PCDHGA7: variants seen among roughly 807,000 people sequenced by gnomAD.
PCDHGA7 encodes the protein protocadherin gamma-A7.
In PCDHGA7, 44 loss-of-function variants were observed where a neutral mutation model predicts 58.3. The ratio of observed to expected loss-of-function variants is 0.75; its 90% CI spans 0.59 to 0.97. The LOEUF (loss-of-function observed/expected upper bound fraction) is 0.97. Among genes scored for constraint, PCDHGA7 ranks in the 50% least tolerant of loss-of-function variants. The pLI is 0.00. For missense variants in PCDHGA7, 1,266 were observed against 1,188.7 expected (o/e 1.06, Z -0.96); for synonymous variants, 516 against 504.2 (o/e 1.02, Z -0.31).
At chr5:141,509,404 A>C (rs1248030362) in intron 3 of PCDHGA7, among the ~76,000 whole-genome samples, 3 of 152,112 alleles carry the variant, frequency 2.0e-5, no homozygotes, top group Non-Finnish European at 4.4e-5. Context: ...CAGGGCCTCC[A>C]GCAGCGAGCC....
chr5:141,413,524 A>T lies in PCDHGA7; in HGVS notation c.2424+28201A>T, dbSNP rs772774054. The T allele has an allele frequency of 9.3e-6, 15 of 1,613,856 alleles. No individual in the cohort carries two copies. In the Admixed American group the frequency reaches 2.5e-4, roughly 27 times the overall value. ...GAGTTTTAATATCCTTGTGGAAGACAGGGTGAAACTTTTTGGGATAGAAAT... is the reference window on the plus strand; with the variant it reads ...GAGTTTTAATATCCTTGTGGAAGACTGGGTGAAACTTTTTGGGATAGAAAT... On this transcript the variant is annotated intron_variant, in intron 1 of 3. Coordinates refer to ENST00000518325, the MANE Select transcript of PCDHGA7 (RefSeq NM_018920.4).
chr5:141,395,341 G>C, intron 1 of PCDHGA7: 1 of 1,409,696 alleles, frequency 7.1e-7, no homozygotes. Context: ...AATTTTTAAG[G>C]TGTATCACAG....
chr5:141,389,818 G>A (rs778055680), intron 1 of PCDHGA7: 1 of 1,613,888 alleles, frequency 6.2e-7, no homozygotes, highest in Non-Finnish European at 8.5e-7. Flanking sequence ...GTCGCCGTGC[G>A]TGACGGTGGA....
Position 141,486,200 on chromosome 5 carries a change from G to A in PCDHGA7, c.2425-8607G>A, listed in dbSNP as rs764874531. The stretch of plus-strand genomic sequence containing the variant: ...CAGCCTTCGAGTGGATCTGCTGGAC[G>A]TAAATGACAATGCCCCTTACATCAC... On this transcript the variant is annotated intron_variant, in intron 1 of 3. Transcript: ENST00000518325. The surrounding 1 kb of genome is among the most constrained non-coding windows in gnomAD (Gnocchi z 5.0). The A allele has an allele frequency of 2.0e-5, 32 of 1,614,096 alleles. No homozygotes were observed. Among genetic ancestry groups the A allele is most frequent in the Non-Finnish European group, 2.3e-5 (27 of 1,180,040 alleles).
chr5:141,423,141 G>T (rs2096714253), intron 1 of PCDHGA7: 6 of 1,613,580 alleles, frequency 3.7e-6, no homozygotes, highest in East Asian at 2.2e-5. Context: ...ACAGAGACGC[G>T]CTCAAGCAGA....
At chr5:141,484,916 CCTG>C (rs34524370) in intron 1 of PCDHGA7, 64,782 of 456,708 alleles carry the variant, frequency 0.14, 4,878 homozygotes, top group African/African-American at 0.18. Context: ...ACGCATTAAC[CCTG>C]CTGCTGTTGG....
chr5:141,393,708 G>A, intron 1 of PCDHGA7: 2 of 1,613,788 alleles, frequency 1.2e-6, no homozygotes, highest in South Asian at 1.1e-5. Context: ...TGAAAATACT[G>A]GGGAAATATC....
intron 1 of PCDHGA7, among the ~76,000 whole-genome samples, chr5:141,474,096 CAACAAA>C (rs1262341033): frequency 1.3e-5 from 2 of 152,078 alleles, no homozygotes; most frequent in African/African-American, 4.8e-5. Context: ...AAACAAACAA[CAACAAA>C]AACAACAACA....
At chr5:141,499,689 CTTT>C (rs545067566) in intron 2 of PCDHGA7, among the ~76,000 whole-genome samples, 2 of 119,848 alleles carry the variant, frequency 1.7e-5, no homozygotes, top group African/African-American at 3.1e-5. Context: ...TAACAGATGA[CTTT>C]TTTTTTTTTT....
intron 1 of PCDHGA7, chr5:141,399,174 T>A: frequency 6.2e-7 from 1 of 1,613,818 alleles, no homozygotes; most frequent in Non-Finnish European, 8.5e-7. Flanking sequence ...ATTCTCTACT[T>A]GAAATGATTC....
chr5:141,431,473 C>T lies in PCDHGA7; in HGVS notation c.2424+46150C>T, dbSNP rs750300971. ...TGATGGTTCTGGATGCGAACGACAA[C>T]GCACCAGCGTTTGCTCAGCCCGAGT... On this transcript the variant is annotated intron_variant, in intron 1 of 3. Coordinates refer to ENST00000518325, the MANE Select transcript of PCDHGA7 (RefSeq NM_018920.4). This position sits in a 1 kb window ranked among gnomAD's most constrained non-coding sequence, Gnocchi z 4.8. 4.3e-6 allele frequency: 7 copies of T among 1,613,832 alleles called. No individual in the cohort carries two copies. The Admixed American group carries it at 1.2e-4, about 27-fold the overall frequency.
rs141873183 is a variant in PCDHGA7 at position 141,511,011 on chromosome 5, C to T, written c.2637C>T (p.Tyr879=). The T allele has an allele frequency of 1.5e-5, 24 of 1,614,082 alleles. No individual in the cohort carries two copies. Among genetic ancestry groups the T allele is most frequent in the Middle Eastern group, 1.6e-4 (1 of 6,084 alleles). Residue 879 remains tyrosine (Y), a synonymous_variant, in exon 4 of 4, where the codon TAC becomes TAT. Transcript: ENST00000518325. ...GAGTMGLSAR[Y]GPQFTLQHVP... The stretch of plus-strand genomic sequence containing the variant: ...GCACCATGGGATTGAGCGCCCGCTA[C>T]GGACCCCAGTTCACCCTGCAGCACG...
intron 1 of PCDHGA7, chr5:141,403,191 G>A (rs368387997): frequency 1.1e-5 from 18 of 1,613,876 alleles, no homozygotes; most frequent in Non-Finnish European, 1.4e-5. Context: ...CTGAACCCGC[G>A]CAGCGGCACC....
chr5:141,454,464 T>C (rs1365696226), intron 1 of PCDHGA7, among the ~76,000 whole-genome samples: 1 of 152,196 alleles, frequency 6.6e-6, no homozygotes, highest in Non-Finnish European at 1.5e-5. Flanking sequence ...TGGAGTGCAA[T>C]GGCATGATCT....
At chr5:141,419,938 G>A in intron 1 of PCDHGA7, 1 of 1,614,102 alleles carries the variant, frequency 6.2e-7, no homozygotes, top group Non-Finnish European at 8.5e-7. Context: ...TTTACCTGGT[G>A]GTGGCCTTGG....
At chr5:141,492,218 T>C (rs2099738354) in intron 1 of PCDHGA7, among the ~76,000 whole-genome samples, 1 of 152,114 alleles carries the variant, frequency 6.6e-6, no homozygotes. Flanking sequence ...GCGGGGCTCA[T>C]GCGTGTCCTC....
chr5:141,426,754 T>C, intron 1 of PCDHGA7: 1 of 456,314 alleles, frequency 2.2e-6, no homozygotes, highest in Non-Finnish European at 4.4e-6. Context: ...GAATCTGCTA[T>C]AGATGCAGAT....
intron 1 of PCDHGA7, chr5:141,405,141 A>G (rs749502643): frequency 6.2e-7 from 1 of 1,613,980 alleles, no homozygotes; most frequent in South Asian, 1.1e-5. Flanking sequence ...GCTACCAGTG[A>G]TGGGTTGGCT....
chr5:141,475,984 G>C (rs1282216343), intron 1 of PCDHGA7: 1 of 1,069,308 alleles, frequency 9.4e-7, no homozygotes, highest in Non-Finnish European at 1.3e-6. Flanking sequence ...AACAGCCGGC[G>C]AGCAAATCAA....
Sources: allele counts gnomAD v4.1 joint callset (sites outside exome capture counted in the v4.1 genomes callset), GRCh38; gene constraint gnomAD v4.1.1; non-coding constraint Gnocchi (gnomAD v3.1); transcripts MANE v1.5; gene names NCBI Gene and HGNC (gene_info 2026-07-23, HGNC 2026-07-21).